The following ROR1 variants were observed in gnomAD, a reference collection of about 807,000 sequenced individuals.
ROR1 encodes the protein inactive tyrosine-protein kinase transmembrane receptor ROR1.
ROR1 carries 19 observed loss-of-function variants against 78.8 expected under a neutral mutation model. The ratio of observed to expected loss-of-function variants is 0.24; its 90% confidence interval spans 0.17 to 0.35. ROR1 has a LOEUF of 0.35. ROR1 is among the 10% of genes least tolerant of loss of function. The pLI, the probability that ROR1 is intolerant of heterozygous loss-of-function variation, is 1.00. For synonymous variants in ROR1, 386 were observed against 433.6 expected, an observed-to-expected ratio of 0.89 and a Z score of 1.36; for missense variants, 917 against 1,177.8, an observed-to-expected ratio of 0.78 and a Z score of 3.24.
At chr1:63,784,365 T>C (rs556066162) in intron 1 of ROR1, among the ~76,000 whole-genome samples, 1 of 152,306 alleles carries the variant, frequency 6.6e-6, no homozygotes, top group African/African-American at 2.4e-5. Context: ...AATTTGTGCC[T>C]CTAATATACT....
rs561754841 is a variant in ROR1, at chr1:64,146,772, G to A, written c.1174+4122G>A. Among the ~76,000 whole-genome samples the A allele has an allele frequency of 5.9e-5, 9 of 152,284 alleles. No homozygotes were observed. The South Asian group carries it at 8.3e-4, about 14-fold the overall frequency. On this transcript the variant is annotated intron_variant, in intron 7 of 8. Transcript: ENST00000371079. ...GCTAGGAGGGATGAAAGAAACCTTC[G>A]AAAGGTCTTTCAGACTGAGTAGAAA...
intron 1 of ROR1, among the ~76,000 whole-genome samples, chr1:63,821,888 GA>G (rs1644925915): frequency 6.6e-6 from 1 of 152,176 alleles, no homozygotes; most frequent in African/African-American, 2.4e-5. Flanking sequence ...AGTGGCTGGG[GA>G]GTGAGTCACA....
intron 4 of ROR1, among the ~76,000 whole-genome samples, chr1:64,128,430 C>T (rs1247238980): frequency 6.6e-6 from 1 of 152,018 alleles, no homozygotes; most frequent in East Asian, 1.9e-4. Flanking sequence ...GGTCTCACCA[C>T]CGCACTCCAG....
At chr1:64,054,512 G>A (rs1646858398) in intron 4 of ROR1, among the ~76,000 whole-genome samples, 2 of 152,090 alleles carry the variant, frequency 1.3e-5, no homozygotes, top group Non-Finnish European at 2.9e-5. Flanking sequence ...GGCAGCTATA[G>A]TTATCAATAA....
chr1:63,958,209 GCC>G (rs1042193507), intron 1 of ROR1, among the ~76,000 whole-genome samples: 6 of 152,074 alleles, frequency 3.9e-5, no homozygotes, highest in African/African-American at 1.4e-4. Context: ...AATACTTTAT[GCC>G]CTCTGCCTAT....
At chr1:64,146,408 G>A (rs970768855) in intron 7 of ROR1, among the ~76,000 whole-genome samples, 1 of 152,150 alleles carries the variant, frequency 6.6e-6, no homozygotes, top group Non-Finnish European at 1.5e-5. Context: ...CTTGGGAGGC[G>A]GAGGTTGCAG....
chr1:63,956,531 T>C (rs1201449504), intron 1 of ROR1, among the ~76,000 whole-genome samples: 1 of 152,158 alleles, frequency 6.6e-6, no homozygotes, highest in East Asian at 1.9e-4. Flanking sequence ...GGCTGTTATT[T>C]ATTATCAGCT....
chr1:63,953,187 G>A (rs1415774184), intron 1 of ROR1, among the ~76,000 whole-genome samples: 1 of 152,150 alleles, frequency 6.6e-6, no homozygotes, highest in Non-Finnish European at 1.5e-5. Context: ...ATATTCCTGT[G>A]TTCACACTCT....
chr1:63,780,953 C>T (rs1043566107), intron 1 of ROR1, among the ~76,000 whole-genome samples: 3 of 151,936 alleles, frequency 2.0e-5, no homozygotes, highest in South Asian at 4.2e-4. Flanking sequence ...GGATAATGGC[C>T]GGAGGAAAGG....
At chr1:64,080,550 G>A (rs773072180) in intron 4 of ROR1, among the ~76,000 whole-genome samples, 8 of 152,150 alleles carry the variant, frequency 5.3e-5, no homozygotes, top group South Asian at 2.1e-4. Flanking sequence ...CACCCATCCC[G>A]TTCTTCATGC....
At chr1:63,909,138 C>G (rs1049937593) in intron 1 of ROR1, among the ~76,000 whole-genome samples, 2 of 152,074 alleles carry the variant, frequency 1.3e-5, no homozygotes, top group Non-Finnish European at 2.9e-5. Context: ...TGATGTCTAC[C>G]TCACCTCCTC....
intron 1 of ROR1, among the ~76,000 whole-genome samples, chr1:63,777,645 G>A (rs1398943662): frequency 1.3e-5 from 2 of 152,150 alleles, no homozygotes; most frequent in East Asian, 3.8e-4. Flanking sequence ...CTTGAGCATA[G>A]GCCCCCAGTT....
At chr1:63,827,955 T>TA (rs1343191108) in intron 1 of ROR1, among the ~76,000 whole-genome samples, 1 of 152,226 alleles carries the variant, frequency 6.6e-6, no homozygotes, top group Non-Finnish European at 1.5e-5. Flanking sequence ...CTGTAGGCTT[T>TA]AAAAAATCCT....
At chr1:63,881,984 C>T (rs1236750280) in intron 1 of ROR1, among the ~76,000 whole-genome samples, 1 of 152,108 alleles carries the variant, frequency 6.6e-6, no homozygotes, top group African/African-American at 2.4e-5. Context: ...GACCGGCAGG[C>T]AGTTGCAGCT....
intron 1 of ROR1, among the ~76,000 whole-genome samples, chr1:63,977,339 G>A (rs1349578832): frequency 6.6e-6 from 1 of 152,094 alleles, no homozygotes; most frequent in Non-Finnish European, 1.5e-5. Flanking sequence ...ACTGCATTTT[G>A]ACTGTGACCT....
At chr1:64,053,288 G>T (rs1646848237) in intron 4 of ROR1, among the ~76,000 whole-genome samples, 1 of 152,166 alleles carries the variant, frequency 6.6e-6, no homozygotes, top group African/African-American at 2.4e-5. Flanking sequence ...GGTCCACTGA[G>T]GCAACAGGGC....
intron 1 of ROR1, among the ~76,000 whole-genome samples, chr1:63,824,923 G>A (rs1380849515): frequency 6.6e-6 from 1 of 151,722 alleles, no homozygotes; most frequent in African/African-American, 2.4e-5. Flanking sequence ...AATAATATAT[G>A]GTAAATATTT....
At chr1:64,055,994 T>C (rs1329665661) in intron 4 of ROR1, among the ~76,000 whole-genome samples, 1 of 152,248 alleles carries the variant, frequency 6.6e-6, no homozygotes, top group Non-Finnish European at 1.5e-5. Flanking sequence ...TCATATAAAT[T>C]ATAGCATGCA....
At chr1:64,049,325 A>AT (rs1288927944) in intron 2 of ROR1, among the ~76,000 whole-genome samples, 2 of 151,946 alleles carry the variant, frequency 1.3e-5, no homozygotes, top group African/African-American at 2.4e-5. Context: ...AAATGGTGTT[A>AT]TTTTTGGGTG....
Sources: gnomAD v4.1 joint callset for allele counts (sites outside exome capture counted in the v4.1 genomes callset) on GRCh38, gnomAD v4.1.1 for gene constraint, MANE v1.5 for transcripts, NCBI Gene and HGNC (gene_info 2026-07-23, HGNC 2026-07-21) for gene names.